The following SLC25A21 variants were observed in gnomAD, a reference collection of about 807,000 sequenced individuals.
The protein encoded by SLC25A21 is solute carrier family 25 member 21, also known as mitochondrial 2-oxodicarboxylate carrier.
SLC25A21 carries 47 observed loss-of-function variants against 43.8 expected under a neutral mutation model. The ratio of observed to expected loss-of-function variants is 1.07; its 90% confidence interval spans 0.85 to 1.37. The LOEUF is 1.37. SLC25A21 is among the 40% of genes most tolerant of loss of function. The pLI is 0.00. For missense variants in SLC25A21, 352 were observed against 350.2 expected, an observed-to-expected ratio of 1.00 and a Z score of -0.04; for synonymous variants, 131 against 121.3, an observed-to-expected ratio of 1.08 and a Z score of -0.52.
intron 1 of SLC25A21, among the ~76,000 whole-genome samples, chr14:36,926,592 A>T (rs1303833456): frequency 6.6e-6 from 1 of 152,104 alleles, no homozygotes; most frequent in Non-Finnish European, 1.5e-5. Context: ...AGAGAGGACA[A>T]CACTGGTGAT....
In SLC25A21 at chr14:36,841,504, G is replaced by A. The variant is rs116714241; in HGVS notation, c.120-27503C>T. Among the ~76,000 whole-genome samples, 652 of 152,060 alleles carry A rather than the reference G, an allele frequency of 4.3e-3. 5 individuals carry two copies. The highest frequency in any genetic ancestry group is 0.015 in the African/African-American group (620 of 41,466). Reference sequence around the variant, plus strand: ...TTTTTCCCCTTTCTTTTCATTGCTCGATTATCACCCATTGATCTTCCTTTC... The same window carrying A: ...TTTTTCCCCTTTCTTTTCATTGCTCAATTATCACCCATTGATCTTCCTTTC... On this transcript the variant is annotated intron_variant, in intron 2 of 9. Coordinates refer to ENST00000331299, the MANE Select transcript of SLC25A21 (RefSeq NM_030631.4).
intron 2 of SLC25A21, among the ~76,000 whole-genome samples, chr14:36,834,060 T>A (rs1446510523): frequency 1.2e-3 from 187 of 152,330 alleles, no homozygotes; most frequent in Non-Finnish European, 1.6e-4. Flanking sequence ...CTCACAACCA[T>A]CTTTTAAAAC....
intron 1 of SLC25A21, among the ~76,000 whole-genome samples, chr14:36,939,401 G>A (rs1215136465): frequency 6.6e-6 from 1 of 151,982 alleles, no homozygotes; most frequent in Non-Finnish European, 1.5e-5. Context: ...ATACTCATGT[G>A]CACTGCTTGT....
At chr14:37,057,035 T>A (rs1961844790) in intron 1 of SLC25A21, among the ~76,000 whole-genome samples, 1 of 152,208 alleles carries the variant, frequency 6.6e-6, no homozygotes, top group Non-Finnish European at 1.5e-5. Context: ...ATTTCACAAA[T>A]GTGTTATTCT....
chr14:36,709,763 C>T (rs947010392), intron 7 of SLC25A21, among the ~76,000 whole-genome samples: 12 of 151,832 alleles, frequency 7.9e-5, no homozygotes, highest in Admixed American at 6.6e-4. Context: ...AAAACAGGTA[C>T]AACTAACTTT....
intron 7 of SLC25A21, among the ~76,000 whole-genome samples, chr14:36,691,089 G>A (rs1179106271): frequency 6.6e-6 from 1 of 152,092 alleles, no homozygotes; most frequent in East Asian, 1.9e-4. Flanking sequence ...ACCTTACAAA[G>A]GGATATAATC....
chr14:36,809,047 G>A (rs1258051760), intron 3 of SLC25A21: 1 of 152,152 alleles, frequency 6.6e-6, no homozygotes, highest in Non-Finnish European at 1.5e-5. Flanking sequence ...AAGATGCTCT[G>A]AGATAAAGGG....
intron 7 of SLC25A21, among the ~76,000 whole-genome samples, chr14:36,687,946 G>A (rs956065447): frequency 2.0e-5 from 3 of 152,168 alleles, no homozygotes; most frequent in African/African-American, 7.2e-5. Context: ...TGGATGCGCA[G>A]AGAATAAAGA....
intron 3 of SLC25A21, among the ~76,000 whole-genome samples, chr14:36,759,275 G>A (rs926030108): frequency 2.6e-5 from 4 of 152,154 alleles, no homozygotes; most frequent in African/African-American, 9.6e-5. Context: ...TGCTCTCAGC[G>A]TCTTTTGTGT....
rs1883864674 is a variant in SLC25A21, at chr14:36,711,449, T to A, written c.472A>T (p.Ile158Phe). The change falls in exon 7 of 10, where the codon ATT becomes TTT. Residue 158 changes from isoleucine (I) to phenylalanine (F), a missense_variant. Coordinates refer to ENST00000331299, the MANE Select transcript of SLC25A21 (RefSeq NM_030631.4). Reference protein sequence around the residue: ...PSTVGYARQIIKKEGWGLQGL... With the variant: ...PSTVGYARQIFKKEGWGLQGL... ...TGGAGTCCCCAGCCTTCCTTCTTAA[T>A]GATTTGTCTTGCATAACCCACAGTG... 2 of 1,614,110 alleles carry A rather than the reference T, an allele frequency of 1.2e-6. No individual in the cohort carries two copies. Among genetic ancestry groups the A allele is most frequent in the Non-Finnish European group, 1.7e-6 (2 of 1,180,014 alleles).
Position 36,679,762 on chromosome 14 carries a change from G to GTAT in SLC25A21, c.*893_*895dup, listed in dbSNP as rs1228378691. ...GCACAGGTAGGCATGCTGAATAAAG[G>GTAT]TATTTGGATGCAAATACTGATGGCT... On this transcript the variant is annotated 3_prime_UTR_variant, in exon 10 of 10. Coordinates refer to ENST00000331299, the MANE Select transcript of SLC25A21 (RefSeq NM_030631.4). The GTAT allele has an allele frequency of 1.0e-6, 1 of 985,346 alleles. No individual in the cohort carries two copies. Among genetic ancestry groups the GTAT allele is most frequent in the Non-Finnish European group, 1.2e-6 (1 of 829,852 alleles). The allele number at this position is 985,346 out of a possible 1,614,324, so 61.0% of individuals were successfully genotyped here. A position where few individuals can be genotyped will look rare whatever the true frequency, so the allele number is the denominator to read the frequency against.
At chr14:37,143,969 A>C (rs570570180) in intron 1 of SLC25A21, among the ~76,000 whole-genome samples, 7 of 152,190 alleles carry the variant, frequency 4.6e-5, no homozygotes, top group Non-Finnish European at 8.8e-5. Flanking sequence ...GGGTTTTAGA[A>C]AGTCAAATTC....
chr14:37,158,487 A>T (rs1963887227), intron 1 of SLC25A21, among the ~76,000 whole-genome samples: 1 of 152,182 alleles, frequency 6.6e-6, no homozygotes, highest in African/African-American at 2.4e-5. Context: ...AAACCATATG[A>T]TCATCTCAAT....
chr14:36,987,334 A>G (rs1227722549), intron 1 of SLC25A21, among the ~76,000 whole-genome samples: 2 of 152,132 alleles, frequency 1.3e-5, no homozygotes, highest in African/African-American at 4.8e-5. Flanking sequence ...TCTTTTTCTA[A>G]CCAAACACTA....
intron 1 of SLC25A21, among the ~76,000 whole-genome samples, chr14:36,978,919 C>G (rs1959945808): frequency 1.3e-5 from 2 of 152,240 alleles, no homozygotes; most frequent in African/African-American, 4.8e-5. Context: ...AATACCTTGT[C>G]TCTACTAAAA....
At chr14:36,744,506 C>T (rs1356086883) in intron 3 of SLC25A21, among the ~76,000 whole-genome samples, 2 of 151,188 alleles carry the variant, frequency 1.3e-5, no homozygotes, top group African/African-American at 4.9e-5. Flanking sequence ...TGAAACTGGA[C>T]CCCTATCTCT....
rs17105087 is a variant in SLC25A21, at chr14:36,711,480, T to C, written c.441A>G (p.Gln147=). The C allele has an allele frequency of 0.087, 139,648 of 1,613,042 alleles. 11,499 individuals carry two copies. Among genetic ancestry groups the C allele is most frequent in the East Asian group, 0.48 (21,545 of 44,828 alleles). ...LQANRNTFAE[Q]PSTVGYARQI... ...GTCTTGCATAACCCACAGTGGATGG[T>C]TGCTGCAGAAGAGAGAAGCAAGGCC... The change falls in exon 7 of 10, where the codon CAA becomes CAG. Residue 147 remains glutamine, a splice_region_variant and synonymous_variant. Coordinates refer to ENST00000331299, the MANE Select transcript of SLC25A21 (RefSeq NM_030631.4).
intron 7 of SLC25A21, among the ~76,000 whole-genome samples, chr14:36,699,089 C>A (rs1388281176): frequency 6.7e-6 from 1 of 150,100 alleles, no homozygotes. Flanking sequence ...TGTTGGTGAC[C>A]TACAGATGGG....
At chr14:36,891,257 G>C (rs956427849) in intron 1 of SLC25A21, among the ~76,000 whole-genome samples, 2 of 152,098 alleles carry the variant, frequency 1.3e-5, no homozygotes, top group African/African-American at 4.8e-5. Context: ...TGACTACAAA[G>C]TCTGAAAACA....
Sources: gnomAD v4.1 joint callset for allele counts (sites outside exome capture counted in the v4.1 genomes callset) on GRCh38, gnomAD v4.1.1 for gene constraint, MANE v1.5 for transcripts, NCBI Gene and HGNC (gene_info 2026-07-23, HGNC 2026-07-21) for gene names.